DNAH9: variants seen among roughly 807,000 people sequenced by gnomAD.
DNAH9 encodes DNAH9 variant protein.
DNAH9 carries 345 observed loss-of-function variants against 471.6 expected under a neutral mutation model. The ratio of observed to expected loss-of-function variants is 0.73; its 90% confidence interval spans 0.67 to 0.80. The LOEUF is 0.80. DNAH9 is among the 30% of genes least tolerant of loss of function. The probability of loss-of-function intolerance (pLI) is 0.00; values close to 1 mark genes in which losing one functional copy is unlikely to be tolerated. For synonymous variants in DNAH9, 2,093 were observed against 2,123.6 expected (o/e 0.99, Z 0.40); for missense variants, 5,407 against 5,609.2 (o/e 0.96, Z 1.15).
intron 64 of DNAH9, among the ~76,000 whole-genome samples, chr17:11,933,541 C>T (rs1340985764): frequency 1.3e-5 from 2 of 151,958 alleles, no homozygotes; most frequent in African/African-American, 4.8e-5. Flanking sequence ...CCACCACACC[C>T]AGCTAATTTT....
intron 14 of DNAH9, among the ~76,000 whole-genome samples, chr17:11,664,514 C>A (rs895463159): frequency 6.6e-6 from 1 of 152,196 alleles, no homozygotes; most frequent in Non-Finnish European, 1.5e-5. Context: ...CCTGATGCAA[C>A]TTCCTCCACA....
Position 11,617,397 on chromosome 17 carries a change from C to T in DNAH9, c.905-14C>T. ...CTCCAGATGGGAATGCTGACCATCT[C>T]CAATTCCTTCCAGCTCTAGCAGAGG... is the stretch of plus-strand genomic sequence containing the variant. On this transcript the variant is annotated splice_polypyrimidine_tract_variant and intron_variant, in intron 4 of 68. Transcript: ENST00000262442. 1 of 1,603,656 alleles carries T rather than the reference C, an allele frequency of 6.2e-7. No homozygotes were observed. Among genetic ancestry groups the T allele is most frequent in the East Asian group, 2.2e-5 (1 of 44,778 alleles).
intron 38 of DNAH9, among the ~76,000 whole-genome samples, chr17:11,771,272 G>A (rs1426108965): frequency 7.2e-5 from 11 of 152,076 alleles, no homozygotes; most frequent in African/African-American, 2.7e-4. Flanking sequence ...GGGATTACAG[G>A]CACCTGCCAA....
intron 59 of DNAH9, among the ~76,000 whole-genome samples, chr17:11,897,668 A>G: frequency 6.6e-6 from 1 of 152,208 alleles, no homozygotes; most frequent in East Asian, 1.9e-4. Flanking sequence ...ATTCAACTTC[A>G]AGTTTGTGTG....
intron 11 of DNAH9, 38 bp from the exon 12 acceptor site, chr17:11,647,034 G>A: frequency 6.2e-7 from 1 of 1,608,018 alleles, no homozygotes; most frequent in Non-Finnish European, 8.5e-7. Flanking sequence ...GAGCTGGGAG[G>A]GGGCTTATGA....
intron 53 of DNAH9, among the ~76,000 whole-genome samples, chr17:11,876,747 T>C (rs1022550967): frequency 8.5e-5 from 13 of 152,126 alleles, no homozygotes; most frequent in African/African-American, 2.9e-4. Context: ...TGAGACGGAG[T>C]CTCACTCTGT....
chr17:11,708,219 G>A (rs546997952), intron 26 of DNAH9, among the ~76,000 whole-genome samples: 5 of 152,212 alleles, frequency 3.3e-5, no homozygotes, highest in African/African-American at 1.2e-4. Context: ...CCCCTAGTAA[G>A]TGTTGAATTA....
intron 45 of DNAH9, among the ~76,000 whole-genome samples, chr17:11,813,698 T>G (rs777481289): frequency 6.6e-6 from 1 of 152,232 alleles, no homozygotes; most frequent in African/African-American, 2.4e-5. Context: ...CTCACACTTC[T>G]TTATCTCACC....
Position 11,598,837 on chromosome 17 carries a change from C to G in DNAH9, c.339C>G (p.Pro113=). The G allele has an allele frequency of 3.3e-6, 5 of 1,517,866 alleles. No homozygotes were observed. The highest frequency in any genetic ancestry group is 2.7e-5 in the East Asian group (1 of 37,430). 94.0% of individuals were successfully genotyped at this position (1,517,866 alleles called of 1,614,324 possible). Residue 113 remains proline, a synonymous_variant, in exon 1 of 69, where the codon CCC becomes CCG. Transcript: ENST00000262442. ...FLRTGPEPPG[P]DSFRGAVVCG... ...GCACCGGGCCCGAGCCTCCAGGGCC[C>G]GACAGCTTCCGCGGCGCAGTGGTCT... is the stretch of plus-strand genomic sequence containing the variant.
At chr17:11,872,981 A>G (rs1347031680) in intron 52 of DNAH9, among the ~76,000 whole-genome samples, 1 of 152,240 alleles carries the variant, frequency 6.6e-6, no homozygotes, top group Non-Finnish European at 1.5e-5. Context: ...TTCACAACAT[A>G]AGGTAAAAGC....
intron 26 of DNAH9, among the ~76,000 whole-genome samples, chr17:11,712,500 G>A (rs1451278384): frequency 6.6e-6 from 1 of 152,004 alleles, no homozygotes; most frequent in Admixed American, 6.6e-5. Flanking sequence ...CTGATAAGCT[G>A]TTTTCTAAAG....
At chr17:11,747,850 A>G (rs2099552571) in intron 32 of DNAH9, 84 bp downstream of exon 32, 1 of 1,239,486 alleles carries the variant, frequency 8.1e-7, no homozygotes, top group South Asian at 1.3e-5. Flanking sequence ...GGTGAATTGC[A>G]GAAGCAAACA....
Position 11,942,311 on chromosome 17 carries a change from A to T in DNAH9, c.12669A>T (p.Ala4223=), listed in dbSNP as rs1168042867. Residue 4223 remains alanine, a synonymous_variant, in exon 67 of 69, where the codon GCA becomes GCT. Coordinates refer to ENST00000262442, the MANE Select transcript of DNAH9 (RefSeq NM_001372.4). Reference sequence around the variant, plus strand: ...TTCCTTCTGTGGGGCAGGTCAAGGCACTTCTGGAAGAAATATTGGAGCGGG... The same window carrying T: ...TTCCTTCTGTGGGGCAGGTCAAGGCTCTTCTGGAAGAAATATTGGAGCGGG... ...AGATREEKVK[A]LLEEILERVT... is the part of the protein sequence containing the mutation. 1 of 1,613,908 alleles carries T rather than the reference A, an allele frequency of 6.2e-7. No individual in the cohort carries two copies. Among genetic ancestry groups the T allele is most frequent in the Non-Finnish European group, 8.5e-7 (1 of 1,179,936 alleles).
intron 8 of DNAH9, among the ~76,000 whole-genome samples, chr17:11,633,348 G>A (rs990645021): frequency 6.6e-6 from 1 of 152,164 alleles, no homozygotes; most frequent in African/African-American, 2.4e-5. Context: ...GTCACATTGT[G>A]GTTCAGTAGA....
At chr17:11,840,812 G>A (rs536912084) in intron 49 of DNAH9, among the ~76,000 whole-genome samples, 6 of 152,180 alleles carry the variant, frequency 3.9e-5, no homozygotes, top group Non-Finnish European at 5.9e-5. Context: ...CCAAGGAATC[G>A]GACAACCTCT....
chr17:11,925,900 A>T (rs1974303493), intron 62 of DNAH9, among the ~76,000 whole-genome samples: 1 of 151,928 alleles, frequency 6.6e-6, no homozygotes, highest in Non-Finnish European at 1.5e-5. Context: ...GAAACAAAAG[A>T]TCCTTACTGG....
chr17:11,795,349 T>C (rs989760297), intron 42 of DNAH9, among the ~76,000 whole-genome samples: 1 of 152,216 alleles, frequency 6.6e-6, no homozygotes, highest in African/African-American at 2.4e-5. Flanking sequence ...CCACACATAC[T>C]GCTTGTCTGT....
At chr17:11,648,723 A>C (rs141394726) in intron 12 of DNAH9, among the ~76,000 whole-genome samples, 1 of 152,168 alleles carries the variant, frequency 6.6e-6, no homozygotes, top group African/African-American at 2.4e-5. Context: ...TTAATACCTA[A>C]ACTATAATGT....
At position 11,798,576 on chromosome 17, in the gene DNAH9, T is replaced by C. The variant is rs190294205; in HGVS notation, c.8420+783T>C. Among the ~76,000 whole-genome samples, 17 of 151,308 alleles carry C rather than the reference T, an allele frequency of 1.1e-4. No individual in the cohort carries two copies. In the East Asian group the frequency reaches 3.0e-3, roughly 26 times the overall value. ...AATCACTGAAAGTAATAACCAAGCCTCCAAGACAGTCTAGCCTCACACCAA... is the reference window on the plus strand; with the variant it reads ...AATCACTGAAAGTAATAACCAAGCCCCCAAGACAGTCTAGCCTCACACCAA... On this transcript the variant is annotated intron_variant, in intron 43 of 68. Transcript: ENST00000262442.
Sources: gnomAD v4.1 joint callset for allele counts (sites outside exome capture counted in the v4.1 genomes callset) on GRCh38, gnomAD v4.1.1 for gene constraint, MANE v1.5 for transcripts, NCBI Gene and HGNC (gene_info 2026-07-23, HGNC 2026-07-21) for gene names.